Variants in MCC observed in about 807,000 individuals in gnomAD.
MCC encodes colorectal mutant cancer protein.
Under a neutral mutation model 116.2 loss-of-function variants are expected in MCC, and 90 were observed. That is an observed-to-expected ratio of 0.77 (90% CI 0.65 to 0.92). The LOEUF is 0.92. MCC is among the 40% of genes least tolerant of loss of function. The pLI is 0.00. For missense variants in MCC, 1,516 were observed against 1,312.2 expected (o/e 1.16, Z -2.40); for synonymous variants, 578 against 510.5 (o/e 1.13, Z -1.78).
chr5:113,169,378 T>G (rs909393887), intron 3 of MCC, among the ~76,000 whole-genome samples: 1 of 152,152 alleles, frequency 6.6e-6, no homozygotes, highest in African/African-American at 2.4e-5. Flanking sequence ...GGACCATTCC[T>G]GCACCCAAAT....
chr5:113,369,826 C>T (rs1337084349), intron 2 of MCC, among the ~76,000 whole-genome samples: 1 of 152,206 alleles, frequency 6.6e-6, no homozygotes, highest in African/African-American at 2.4e-5. Flanking sequence ...ACCTCCCTCT[C>T]CCTTCCTTAG....
intron 3 of MCC, among the ~76,000 whole-genome samples, chr5:113,321,661 T>C (rs1321419563): frequency 6.6e-6 from 1 of 152,162 alleles, no homozygotes; most frequent in East Asian, 1.9e-4. Flanking sequence ...TAAAAGCAAA[T>C]GCTCCCTATT....
chr5:113,134,908 G>T (rs986838179), intron 5 of MCC, among the ~76,000 whole-genome samples: 1 of 150,118 alleles, frequency 6.7e-6, no homozygotes, highest in African/African-American at 2.4e-5. Context: ...TCTTTAGAGA[G>T]AATTTTGTAA....
chr5:113,034,509 T>C (rs911239384), intron 17 of MCC, among the ~76,000 whole-genome samples: 1 of 152,214 alleles, frequency 6.6e-6, no homozygotes, highest in Admixed American at 6.5e-5. Flanking sequence ...GAGAGCCCAG[T>C]CTCAATGAGG....
At chr5:113,295,641 C>G (rs1380340141) in intron 3 of MCC, among the ~76,000 whole-genome samples, 1 of 152,070 alleles carries the variant, frequency 6.6e-6, no homozygotes, top group Non-Finnish European at 1.5e-5. Context: ...GCTGTTATAC[C>G]CAGTACACCC....
chr5:113,143,022 A>G (rs1243688278), intron 5 of MCC, among the ~76,000 whole-genome samples, 196 bp downstream of exon 5: 1 of 152,248 alleles, frequency 6.6e-6, no homozygotes, highest in Non-Finnish European at 1.5e-5. Context: ...AAGGGAGGTA[A>G]AAGCACATGA....
At chr5:113,469,753 C>G (rs543912424) in intron 1 of MCC, among the ~76,000 whole-genome samples, 178 of 152,224 alleles carry the variant, frequency 1.2e-3, no homozygotes, top group African/African-American at 4.1e-3. Flanking sequence ...CTTTCTGTCT[C>G]GTTGATCTGT....
At chr5:113,406,637 AG>A (rs751711913) in intron 1 of MCC, among the ~76,000 whole-genome samples, 27 of 152,362 alleles carry the variant, frequency 1.8e-4, no homozygotes, top group Non-Finnish European at 2.8e-4. Flanking sequence ...ATCTAAATAT[AG>A]CTGGCTATTC....
chr5:113,104,187 T>A lies in MCC; in HGVS notation c.1191+5A>T, dbSNP rs189215929. On this transcript the variant is annotated splice_donor_5th_base_variant and intron_variant, in intron 7 of 18. Coordinates refer to ENST00000408903, the MANE Select transcript of MCC (RefSeq NM_001085377.2). ...AGGGCCTCACAGAGGGTGAGGAAGG[T>A]CTACCTTAATAGCCAGGTCACAGTG... 1.2e-5 allele frequency: 19 copies of A among 1,604,204 alleles called. No homozygotes were observed. In the East Asian group the frequency reaches 3.4e-4, roughly 28 times the overall value.
intron 2 of MCC, among the ~76,000 whole-genome samples, chr5:113,369,036 A>C (rs921310599): frequency 2.6e-5 from 4 of 152,186 alleles, no homozygotes; most frequent in African/African-American, 9.7e-5. Context: ...GAAGAGATGC[A>C]TGGGTAAGGC....
At chr5:113,179,179 G>T (rs1443694) in intron 3 of MCC, among the ~76,000 whole-genome samples, 151,595 of 152,298 alleles carry the variant, frequency 1, 75,451 homozygotes, top group Middle Eastern at 1. Flanking sequence ...AGAATATAAA[G>T]CCAGTGCTCT....
At chr5:113,039,953 AG>A (rs1471581448) in intron 17 of MCC, among the ~76,000 whole-genome samples, 2 of 152,026 alleles carry the variant, frequency 1.3e-5, no homozygotes, top group Non-Finnish European at 2.9e-5. Context: ...ACTAGGACCA[AG>A]GGTGAGAGAC....
At chr5:113,352,112 G>A (rs1768283146) in intron 2 of MCC, among the ~76,000 whole-genome samples, 1 of 151,978 alleles carries the variant, frequency 6.6e-6, no homozygotes, top group African/African-American at 2.4e-5. Context: ...AAAGGGAAGT[G>A]GACTTTTAAA....
At chr5:113,076,412 A>G (rs2150238045) in intron 11 of MCC, among the ~76,000 whole-genome samples, 1 of 152,298 alleles carries the variant, frequency 6.6e-6, no homozygotes, top group South Asian at 2.1e-4. Context: ...GCCACAGAGA[A>G]AGGTCGGGTT....
At chr5:113,113,651 CAAAAAAA>C (rs11405354) in intron 6 of MCC, among the ~76,000 whole-genome samples, 4 of 108,418 alleles carry the variant, frequency 3.7e-5, no homozygotes, top group African/African-American at 1.5e-4. Context: ...TATGTTCTTG[CAAAAAAA>C]AAAAAAAAAA....
chr5:113,272,266 C>T (rs1399214933), intron 3 of MCC, among the ~76,000 whole-genome samples: 1 of 152,060 alleles, frequency 6.6e-6, no homozygotes, highest in Admixed American at 6.6e-5. Flanking sequence ...AACTATGAGC[C>T]ACAATTATTA....
intron 2 of MCC, among the ~76,000 whole-genome samples, chr5:113,370,311 T>C (rs1175368738): frequency 6.6e-6 from 1 of 152,204 alleles, no homozygotes; most frequent in Non-Finnish European, 1.5e-5. Context: ...CTTTGGACAC[T>C]GAGGCCCAAA....
intron 5 of MCC, among the ~76,000 whole-genome samples, chr5:113,132,443 T>TATAC (rs1258191415): frequency 0.015 from 558 of 36,584 alleles, 15 homozygotes; most frequent in African/African-American, 0.025. Context: ...TATATATATA[T>TATAC]ACACACACAC....
chr5:113,364,238 G>GAAAAAAAAAAAAAAAAAAAAACA (rs1768626337), intron 2 of MCC, among the ~76,000 whole-genome samples: 23 of 49,422 alleles, frequency 4.7e-4, no homozygotes, highest in Non-Finnish European at 5.8e-4. Flanking sequence ...CTCAAAAACA[G>GAAAAAAAAAAAAAAAAAAAAACA]AAAAAAAAAA....
Sources: gnomAD v4.1 joint callset for allele counts (sites outside exome capture counted in the v4.1 genomes callset) on GRCh38, gnomAD v4.1.1 for gene constraint, MANE v1.5 for transcripts, NCBI Gene and HGNC (gene_info 2026-07-23, HGNC 2026-07-21) for gene names.